Variants in CELSR1 observed in about 807,000 individuals in gnomAD.
The protein encoded by CELSR1 is cadherin EGF LAG seven-pass G-type receptor 1, also known as adhesion G protein-coupled receptor C1.
Under a neutral mutation model 249.1 loss-of-function variants are expected in CELSR1, and 110 were observed. The observed-to-expected ratio is 0.44, with a 90% confidence interval of 0.38 to 0.52. The LOEUF is 0.52. Among genes scored for constraint, CELSR1 ranks in the 20% least tolerant of loss-of-function variants. The pLI, the probability that CELSR1 is intolerant of heterozygous loss-of-function variation, is 0.00. For synonymous variants in CELSR1, 2,113 were observed against 1,900.0 expected, an observed-to-expected ratio of 1.11 and a Z score of -2.92; for missense variants, 4,109 against 4,296.4, an observed-to-expected ratio of 0.96 and a Z score of 1.22.
At chr22:46,449,154 T>C (rs777084842) in intron 2 of CELSR1, among the ~76,000 whole-genome samples, 17 of 148,298 alleles carry the variant, frequency 1.1e-4, no homozygotes, top group African/African-American at 1.5e-4. Context: ...TCACCCAGCT[T>C]CCAAGCACTC....
At position 46,534,681 on chromosome 22, in the gene CELSR1, G is replaced by A. The variant is rs1569225558; in HGVS notation, c.2490C>T (p.Asp830=). 1 of 1,613,644 alleles carries A rather than the reference G, an allele frequency of 6.2e-7. No individual in the cohort carries two copies. The highest frequency in any genetic ancestry group is 8.5e-7 in the Non-Finnish European group (1 of 1,180,024). The change falls in exon 1 of 35, where the codon GAC becomes GAT. Residue 830 remains aspartate (D), a synonymous_variant. Transcript: ENST00000674500. This position sits in a 1 kb window ranked among gnomAD's most constrained non-coding sequence, Gnocchi z 9.7. ...ENARITYVIQ[D]PVPQFRIDPD... is the part of the protein sequence containing the mutation. Reference sequence around the variant, plus strand: ...GGTCAATGCGGAACTGCGGCACGGGGTCCTGAATCACGTAGGTGATGCGGG... The same window carrying A: ...GGTCAATGCGGAACTGCGGCACGGGATCCTGAATCACGTAGGTGATGCGGG...
chr22:46,463,477 C>T (rs553145417), intron 2 of CELSR1, among the ~76,000 whole-genome samples: 1 of 151,278 alleles, frequency 6.6e-6, no homozygotes, highest in African/African-American at 2.4e-5. Flanking sequence ...GATTACGCCA[C>T]TGCACTCAAG....
chr22:46,492,213 C>T (rs2080374256), intron 1 of CELSR1, among the ~76,000 whole-genome samples: 2 of 152,190 alleles, frequency 1.3e-5, no homozygotes, highest in Admixed American at 1.3e-4. Flanking sequence ...CCAGATGCTA[C>T]CAGACAGAAG....
rs966309123 is a variant in CELSR1 at position 46,362,219 on chromosome 22, G to C, written c.*1004C>G. 1 of 152,256 alleles carries C rather than the reference G, an allele frequency of 6.6e-6. No homozygotes were observed. The highest frequency in any genetic ancestry group is 6.5e-5 in the Admixed American group (1 of 15,286). The allele number at this position is 152,256 out of a possible 1,614,324, so 9.4% of individuals were successfully genotyped here. On this transcript the variant is annotated 3_prime_UTR_variant, in exon 35 of 35. Coordinates refer to ENST00000674500, the MANE Select transcript of CELSR1 (RefSeq NM_001378328.1). ...AAAGCCATCCCCACCTGCAGCTCCC[G>C]GGCCACCTGGGAGGCGGTGAGGGGA...
intron 4 of CELSR1, among the ~76,000 whole-genome samples, chr22:46,435,612 C>A (rs1041636849): frequency 1.3e-5 from 2 of 152,028 alleles, no homozygotes; most frequent in Middle Eastern, 3.4e-3. Flanking sequence ...TAGAGATGTA[C>A]CACAATTTAA....
At chr22:46,418,023 G>A (rs2079423278) in intron 5 of CELSR1, among the ~76,000 whole-genome samples, 1 of 152,364 alleles carries the variant, frequency 6.6e-6, no homozygotes, top group African/African-American at 2.4e-5. Context: ...ACAACTGGGG[G>A]TAAAAATAGC....
intron 19 of CELSR1, among the ~76,000 whole-genome samples, chr22:46,385,705 T>G (rs1267637662): frequency 7.0e-6 from 1 of 143,354 alleles, no homozygotes; most frequent in Non-Finnish European, 1.5e-5. Context: ...TGAGACGGAG[T>G]CTGGCTCTCT....
chr22:46,422,025 T>A (rs940488130), intron 5 of CELSR1, among the ~76,000 whole-genome samples: 8 of 152,278 alleles, frequency 5.3e-5, no homozygotes, highest in African/African-American at 1.9e-4. Context: ...TTTTACATAC[T>A]TTGCAAGGCT....
chr22:46,431,254 ACACT>A (rs2079592255), intron 5 of CELSR1, among the ~76,000 whole-genome samples: 1 of 152,198 alleles, frequency 6.6e-6, no homozygotes, highest in African/African-American at 2.4e-5. Flanking sequence ...GCCCCAGTGA[ACACT>A]CACTGTGTTC....
rs2079666126 is a variant in CELSR1 at position 46,436,713 on chromosome 22, G to C, written c.4407-424C>G. Among the ~76,000 whole-genome samples the C allele has an allele frequency of 6.6e-6, 1 of 151,982 alleles. No homozygotes were observed. Among genetic ancestry groups the C allele is most frequent in the Non-Finnish European group, 1.5e-5 (1 of 68,002 alleles). On this transcript the variant is annotated intron_variant, in intron 3 of 34. Coordinates refer to ENST00000674500, the MANE Select transcript of CELSR1 (RefSeq NM_001378328.1). The surrounding 1 kb of genome is among the most constrained non-coding windows in gnomAD (Gnocchi z 5.9). ...CCAGGCAGGGATGATGCTATGGAAG[G>C]ACCATTCTTATGGCCTCTCCCCCCG... is the stretch of plus-strand genomic sequence containing the variant.
At chr22:46,371,351 C>A (rs1273451633) in intron 25 of CELSR1, among the ~76,000 whole-genome samples, 1 of 152,160 alleles carries the variant, frequency 6.6e-6, no homozygotes, top group East Asian at 1.9e-4. Flanking sequence ...CACCCCCCCA[C>A]CCCAGTGCCT....
rs780635505 is a variant in CELSR1, at chr22:46,433,236, C to T, written c.4611+157G>A. Among the ~76,000 whole-genome samples, 38 of 152,244 alleles carry T rather than the reference C, an allele frequency of 2.5e-4. 1 individual carries two copies. The Middle Eastern group carries it at 0.034, about 136-fold the overall frequency. ...TTTTGGTAGAGACAGGGTTTCGCCA[C>T]GTTGGCCAAGCTGGTCTCGAGCTCC... On this transcript the variant is annotated intron_variant, in intron 5 of 34. Coordinates refer to ENST00000674500, the MANE Select transcript of CELSR1 (RefSeq NM_001378328.1). The surrounding 1 kb of genome is among the most constrained non-coding windows in gnomAD (Gnocchi z 5.7).
chr22:46,375,833 A>G (rs1296065672), intron 24 of CELSR1, among the ~76,000 whole-genome samples: 2 of 152,118 alleles, frequency 1.3e-5, no homozygotes, highest in East Asian at 3.9e-4. Flanking sequence ...GCATGAACCA[A>G]CGTGCCCAGC....
intron 2 of CELSR1, among the ~76,000 whole-genome samples, chr22:46,451,394 C>T (rs2079882681): frequency 6.6e-6 from 1 of 152,146 alleles, no homozygotes; most frequent in African/African-American, 2.4e-5. Context: ...TCCAGACACA[C>T]CCATTTAAAA....
Position 46,364,531 on chromosome 22 carries a change from C to T in CELSR1, c.8760G>A (p.Gln2920=). The change falls in exon 33 of 35, where the codon CAG becomes CAA. Residue 2920 remains glutamine (Q), a synonymous_variant. Transcript: ENST00000674500. ...SGGAARLASS[Q]PPEQRKGILK... ...AGGCACCTTTCCTCTGCTCTGGGGGCTGGCTGCTAGCAAGCCTGGCTGCGC... is the reference window on the plus strand; with the variant it reads ...AGGCACCTTTCCTCTGCTCTGGGGGTTGGCTGCTAGCAAGCCTGGCTGCGC... 1.2e-6 allele frequency: 2 copies of T among 1,611,150 alleles called. No homozygotes were observed. Among genetic ancestry groups the T allele is most frequent in the East Asian group, 2.2e-5 (1 of 44,868 alleles).
Position 46,534,107 on chromosome 22 carries a change from G to A in CELSR1, c.3064C>T (p.Arg1022Cys), listed in dbSNP as rs372128480. 9.3e-6 allele frequency: 15 copies of A among 1,613,664 alleles called. No homozygotes were observed. Among genetic ancestry groups the A allele is most frequent in the East Asian group, 6.7e-5 (3 of 44,880 alleles). Residue 1022 changes from arginine to cysteine, a missense_variant, in exon 1 of 35, where the codon CGT (arginine) becomes TGT (cysteine). Coordinates refer to ENST00000674500, the MANE Select transcript of CELSR1 (RefSeq NM_001378328.1). This position sits in a 1 kb window ranked among gnomAD's most constrained non-coding sequence, Gnocchi z 9.7. ...NPVGSVVAKI[R>C]ANDPDEGPNA... ...GGGCCTTCATCAGGGTCGTTAGCAC[G>A]AATCTTTGCCACCACCGACCCCACT...
intron 1 of CELSR1, among the ~76,000 whole-genome samples, chr22:46,503,017 G>A (rs1343780051): frequency 2.0e-5 from 3 of 152,232 alleles, no homozygotes; most frequent in African/African-American, 2.4e-5. Context: ...CCACTCCATG[G>A]GCAACTCCAG....
In CELSR1 at chr22:46,389,479, A is replaced by G. The variant is rs115467657; in HGVS notation, c.6366T>C (p.Asn2122=). Residue 2122 remains asparagine (N), a synonymous_variant, in exon 18 of 35, where the codon AAT becomes AAC. Coordinates refer to ENST00000674500, the MANE Select transcript of CELSR1 (RefSeq NM_001378328.1). ...LRAMNEKLSR[N]ETQVDGARAL... ...CCCTGGCGCCGTCCACCTGCGTCTC[A>G]TTGCGGCTCAGCTTCTCATTCTGGA... is the stretch of plus-strand genomic sequence containing the variant. The G allele has an allele frequency of 3.5e-3, 5,726 of 1,613,262 alleles. 182 individuals are homozygous for G. The African/African-American group carries it at 0.066, about 19-fold the overall frequency.
Position 46,534,057 on chromosome 22 carries a change from A to C in CELSR1, c.3114T>G (p.Ile1038Met), listed in dbSNP as rs878937088. The part of the protein sequence containing the change: ...EGPNAQIMYQ[I>M]VEGDMRHFFQ... ...AGAAATGCCGCATGTCCCCTTCCAC[A>C]ATCTGATACATGATCTGGGCATTAG... is the stretch of plus-strand genomic sequence containing the variant. Residue 1038 changes from isoleucine to methionine, a missense_variant, in exon 1 of 35, where the codon ATT becomes ATG. Ile to Met is a conservative substitution (Grantham distance 10). This residue lies in a region of CELSR1 where 886 missense variants were observed against 896.5 expected (regional missense o/e 0.99). Coordinates refer to ENST00000674500, the MANE Select transcript of CELSR1 (RefSeq NM_001378328.1). This position sits in a 1 kb window ranked among gnomAD's most constrained non-coding sequence, Gnocchi z 9.7. The C allele has an allele frequency of 6.2e-7, 1 of 1,613,752 alleles. No individual in the cohort carries two copies.
Sources: gnomAD v4.1 joint callset for allele counts (sites outside exome capture counted in the v4.1 genomes callset) on GRCh38, gnomAD v4.1.1 for gene constraint, gnomAD v4.1.1 regional missense constraint, Gnocchi (gnomAD v3.1) non-coding constraint, MANE v1.5 for transcripts, NCBI Gene and HGNC (gene_info 2026-07-23, HGNC 2026-07-21) for gene names.